PRKCA: variants seen among roughly 807,000 people sequenced by gnomAD.
The protein encoded by PRKCA is protein kinase C alpha.
In PRKCA, 27 loss-of-function variants were observed where a neutral mutation model predicts 87.0. The observed-to-expected ratio is 0.31, with a 90% CI of 0.23 to 0.43. The LOEUF (loss-of-function observed/expected upper bound fraction) is 0.43, where lower values mean the gene tolerates loss of function less well. PRKCA is among the 20% of genes least tolerant of loss of function. The probability of loss-of-function intolerance (pLI) is 1.00; values close to 1 mark genes in which losing one functional copy is unlikely to be tolerated. For missense variants in PRKCA, 518 were observed against 852.3 expected (o/e 0.61, Z 4.88); for synonymous variants, 329 against 311.1 (o/e 1.06, Z -0.61).
intron 13 of PRKCA, among the ~76,000 whole-genome samples, chr17:66,767,655 A>G (rs773451864): frequency 1.4e-4 from 21 of 152,176 alleles, no homozygotes; most frequent in Non-Finnish European, 2.8e-4. Flanking sequence ...GTCTGATGCA[A>G]ATCAGGCAAC....
At chr17:66,774,521 T>C (rs1193019950) in intron 14 of PRKCA, 1 of 714,694 alleles carries the variant, frequency 1.4e-6, no homozygotes, top group Non-Finnish European at 1.8e-6. Context: ...CTTGAGCTAC[T>C]GAGGCATGAG....
At chr17:66,778,484 G>C (rs1300127578) in intron 14 of PRKCA, among the ~76,000 whole-genome samples, 4 of 152,072 alleles carry the variant, frequency 2.6e-5, no homozygotes, top group Admixed American at 1.3e-4. Context: ...CCACTGCACT[G>C]CAGCCTGGGC....
At chr17:66,590,603 C>T (rs879910059) in intron 3 of PRKCA, among the ~76,000 whole-genome samples, 3 of 152,184 alleles carry the variant, frequency 2.0e-5, no homozygotes, top group Non-Finnish European at 2.9e-5. Flanking sequence ...AATCCCAGCA[C>T]TTTGGGAGGC....
intron 2 of PRKCA, among the ~76,000 whole-genome samples, chr17:66,339,323 T>A (rs1401344874): frequency 6.6e-6 from 1 of 152,216 alleles, no homozygotes; most frequent in Non-Finnish European, 1.5e-5. Flanking sequence ...TATCTTTCTT[T>A]TAAAATTAAC....
At chr17:66,414,197 G>A (rs1339082092) in intron 2 of PRKCA, among the ~76,000 whole-genome samples, 1 of 152,092 alleles carries the variant, frequency 6.6e-6, no homozygotes, top group Non-Finnish European at 1.5e-5. Flanking sequence ...CCCAGTGTTG[G>A]AGGTGGGGTT....
intron 2 of PRKCA, among the ~76,000 whole-genome samples, chr17:66,448,166 A>G (rs186856207): frequency 1.1e-3 from 171 of 152,266 alleles, no homozygotes; most frequent in African/African-American, 4.0e-3. Context: ...TTCCGCTAAC[A>G]AGTTGATATC....
At chr17:66,563,358 CT>C (rs1212304892) in intron 3 of PRKCA, among the ~76,000 whole-genome samples, 1 of 152,204 alleles carries the variant, frequency 6.6e-6, no homozygotes, top group Non-Finnish European at 1.5e-5. Context: ...CCATCAGCCC[CT>C]GATCCTTCTA....
chr17:66,501,533 C>T (rs1356219513), intron 3 of PRKCA, among the ~76,000 whole-genome samples: 9 of 152,300 alleles, frequency 5.9e-5, no homozygotes, highest in African/African-American at 1.2e-4. Flanking sequence ...TGTTTGCACC[C>T]GGGGCTCAGG....
At chr17:66,699,843 T>C (rs988036926) in intron 8 of PRKCA, among the ~76,000 whole-genome samples, 2 of 152,216 alleles carry the variant, frequency 1.3e-5, no homozygotes, top group Admixed American at 6.5e-5. Context: ...TTGTCCTCCC[T>C]TTGCTGGGCC....
At chr17:66,344,905 G>T (rs888138124) in intron 2 of PRKCA, among the ~76,000 whole-genome samples, 7 of 152,144 alleles carry the variant, frequency 4.6e-5, no homozygotes, top group African/African-American at 1.7e-4. Context: ...AGCTGGGAAT[G>T]CAGGCACGTG....
At chr17:66,566,664 G>T (rs1968912521) in intron 3 of PRKCA, among the ~76,000 whole-genome samples, 1 of 152,012 alleles carries the variant, frequency 6.6e-6, no homozygotes, top group African/African-American at 2.4e-5. Flanking sequence ...TCATTTATTA[G>T]ACCAGAACTG....
At chr17:66,738,654 C>A (rs1373000774) in intron 10 of PRKCA, 110 bp from the exon 11 acceptor site, 2 of 824,126 alleles carry the variant, frequency 2.4e-6, no homozygotes, top group African/African-American at 1.7e-5. Context: ...CACATCTGCC[C>A]ATGCAGTCCC....
chr17:66,746,996 G>A (rs1442308338), intron 13 of PRKCA, among the ~76,000 whole-genome samples: 1 of 152,112 alleles, frequency 6.6e-6, no homozygotes, highest in Non-Finnish European at 1.5e-5. Context: ...GTCTGCTTCT[G>A]GCCTGTGTCC....
intron 8 of PRKCA, among the ~76,000 whole-genome samples, chr17:66,712,226 C>A (rs1187404151): frequency 1.3e-5 from 2 of 152,142 alleles, no homozygotes; most frequent in Admixed American, 6.5e-5. Flanking sequence ...TGTTTAAAAA[C>A]CAAGTAAACC....
intron 13 of PRKCA, among the ~76,000 whole-genome samples, chr17:66,763,553 A>G (rs1191568309): frequency 6.6e-6 from 1 of 152,192 alleles, no homozygotes; most frequent in African/African-American, 2.4e-5. Flanking sequence ...TTGGGAATGG[A>G]TGATGTTTTT....
intron 2 of PRKCA, among the ~76,000 whole-genome samples, chr17:66,409,382 A>C (rs184762615): frequency 6.6e-6 from 1 of 152,206 alleles, no homozygotes; most frequent in African/African-American, 2.4e-5. Flanking sequence ...ACTCCTGTGG[A>C]CCATGTCTGT....
chr17:66,361,243 G>A (rs1204431023), intron 2 of PRKCA, among the ~76,000 whole-genome samples: 1 of 151,688 alleles, frequency 6.6e-6, no homozygotes, highest in Non-Finnish European at 1.5e-5. Flanking sequence ...TCCTTTTTCG[G>A]TCTTGACACT....
intron 3 of PRKCA, among the ~76,000 whole-genome samples, chr17:66,539,747 T>C (rs1967916508): frequency 1.3e-5 from 2 of 152,212 alleles, no homozygotes; most frequent in East Asian, 3.9e-4. Context: ...AGATGAGAGT[T>C]TTACATCAGA....
Position 66,738,782 on chromosome 17 carries a change from A to C in PRKCA, c.1249A>C (p.Met417Leu). Reference protein sequence around the residue: ...FQTVDRLYFVMEYVNGGDLMY... With the variant: ...FQTVDRLYFVLEYVNGGDLMY... The stretch of plus-strand genomic sequence containing the variant: ...TCTGCAGGATCGGCTGTACTTCGTC[A>C]TGGAATATGTCAACGGTGGGGACCT... Residue 417 changes from methionine (M) to leucine (L), a missense_variant, in exon 11 of 17, where the codon ATG becomes CTG. This residue lies in a region of PRKCA where 300 missense variants were observed against 496.8 expected (regional missense o/e 0.60). Transcript: ENST00000413366. 6.2e-7 allele frequency: 1 copy of C among 1,613,708 alleles called. No homozygotes were observed. Among genetic ancestry groups the C allele is most frequent in the Non-Finnish European group, 8.5e-7 (1 of 1,179,884 alleles).
Sources: gnomAD v4.1 joint callset for allele counts (sites outside exome capture counted in the v4.1 genomes callset) on GRCh38, gnomAD v4.1.1 for gene constraint, gnomAD v4.1.1 regional missense constraint, MANE v1.5 for transcripts, NCBI Gene and HGNC (gene_info 2026-07-23, HGNC 2026-07-21) for gene names.